Variants in MDGA2 observed in about 807,000 individuals in gnomAD.
MDGA2 encodes MAM domain containing glycosylphosphatidylinositol anchor 2.
In MDGA2, 40 loss-of-function variants were observed where a neutral mutation model predicts 117.8. The ratio of observed to expected loss-of-function variants is 0.34; its 90% CI spans 0.26 to 0.44. The LOEUF is 0.44. MDGA2 is among the 20% of genes least tolerant of loss of function. The pLI is 1.00. For missense variants in MDGA2, 1,123 were observed against 1,250.6 expected, an observed-to-expected ratio of 0.90 and a Z score of 1.54; for synonymous variants, 452 against 439.0, an observed-to-expected ratio of 1.03 and a Z score of -0.37.
chr14:47,587,162 G>A (rs1446903842), intron 1 of MDGA2, among the ~76,000 whole-genome samples: 1 of 151,780 alleles, frequency 6.6e-6, no homozygotes, highest in Non-Finnish European at 1.5e-5. Context: ...CCTATCAGAG[G>A]TTGGAGGGGA....
intron 3 of MDGA2, among the ~76,000 whole-genome samples, chr14:47,201,972 G>C (rs764238085): frequency 1.3e-5 from 2 of 152,114 alleles, no homozygotes; most frequent in Non-Finnish European, 2.9e-5. Flanking sequence ...ATTATTGTTA[G>C]TAGAGTACCA....
At chr14:47,550,160 T>C (rs1275909774) in intron 1 of MDGA2, among the ~76,000 whole-genome samples, 1 of 152,200 alleles carries the variant, frequency 6.6e-6, no homozygotes, top group Admixed American at 6.5e-5. Context: ...CCCCCACGTC[T>C]TTCCTAATTT....
chr14:47,126,192 C>T (rs908678500), intron 5 of MDGA2, among the ~76,000 whole-genome samples: 2 of 151,802 alleles, frequency 1.3e-5, no homozygotes, highest in African/African-American at 2.4e-5. Context: ...TTTATGCTCC[C>T]AGGTTAAAGA....
At chr14:47,075,042 G>A (rs772464672) in intron 6 of MDGA2, among the ~76,000 whole-genome samples, 1 of 151,420 alleles carries the variant, frequency 6.6e-6, no homozygotes, top group Non-Finnish European at 1.5e-5. Context: ...ACCTTTCCCC[G>A]CATTTCCTTT....
At chr14:47,441,725 T>A (rs1361046334) in intron 1 of MDGA2, among the ~76,000 whole-genome samples, 1 of 152,166 alleles carries the variant, frequency 6.6e-6, no homozygotes, top group Non-Finnish European at 1.5e-5. Context: ...ACTTGGTAGA[T>A]AAACTACAGA....
rs192650090 is a variant in MDGA2 at position 47,533,399 on chromosome 14, A to C, written c.280+141118T>G. Among the ~76,000 whole-genome samples, 260 of 152,322 alleles carry C rather than the reference A, an allele frequency of 1.7e-3. 1 individual carries two copies. The highest frequency in any genetic ancestry group is 5.8e-3 in the African/African-American group (243 of 41,570). On this transcript the variant is annotated intron_variant, in intron 1 of 16. Transcript: ENST00000399232. ...GTGGAAGACCCACCAGCTGATTCTT[A>C]GTATATATGTTGGGATTTATTGATT...
At chr14:47,384,547 G>T (rs1420392828) in intron 1 of MDGA2, among the ~76,000 whole-genome samples, 1 of 151,870 alleles carries the variant, frequency 6.6e-6, no homozygotes, top group Non-Finnish European at 1.5e-5. Flanking sequence ...GAACTACAGA[G>T]ATTTACCATT....
chr14:47,646,887 T>C (rs181075190), intron 1 of MDGA2, among the ~76,000 whole-genome samples: 2 of 152,294 alleles, frequency 1.3e-5, no homozygotes, highest in African/African-American at 4.8e-5. Context: ...TGTGTGTAAA[T>C]AGTGCTTTGT....
rs1005223756 is a variant in MDGA2 at position 46,855,652 on chromosome 14, G to C, written c.2753-498C>G. ...AAGAAGTCAGCCCTGCTGACATCTT[G>C]ATTTTAGGCCCAGAATGCTTTTTTT... On this transcript the variant is annotated intron_variant, in intron 14 of 16. Coordinates refer to ENST00000399232, the MANE Select transcript of MDGA2 (RefSeq NM_001113498.3). The surrounding 1 kb of genome is among the most constrained non-coding windows in gnomAD (Gnocchi z 4.1). Among the ~76,000 whole-genome samples, 8 of 152,130 alleles carry C rather than the reference G, an allele frequency of 5.3e-5. No individual in the cohort carries two copies. The highest frequency in any genetic ancestry group is 1.9e-4 in the African/African-American group (8 of 41,444).
rs182116706 is a variant in MDGA2, at chr14:47,070,614, T to A, written c.1196-9036A>T. Among the ~76,000 whole-genome samples, 667 of 152,214 alleles carry A rather than the reference T, an allele frequency of 4.4e-3. 3 individuals are homozygous for A. The highest frequency in any genetic ancestry group is 0.015 in the African/African-American group (630 of 41,540). On this transcript the variant is annotated intron_variant, in intron 6 of 16. Coordinates refer to ENST00000399232, the MANE Select transcript of MDGA2 (RefSeq NM_001113498.3). ...TACTTTTTTTTTATTATTTTATTTA[T>A]TTATTTATTTTTACATAGTCTCGTT...
chr14:46,974,470 C>A (rs1386990699), intron 8 of MDGA2, among the ~76,000 whole-genome samples: 1 of 152,058 alleles, frequency 6.6e-6, no homozygotes. Context: ...TTCTTGATTT[C>A]AAAAGTCACT....
chr14:47,089,605 G>A (rs1181851212), intron 6 of MDGA2, among the ~76,000 whole-genome samples: 1 of 151,552 alleles, frequency 6.6e-6, no homozygotes, highest in Non-Finnish European at 1.5e-5. Flanking sequence ...TTATGTTTTT[G>A]TATTTTTTTT....
intron 8 of MDGA2, among the ~76,000 whole-genome samples, chr14:46,970,979 ACAATTACCTTAC>A (rs1361678230): frequency 6.6e-6 from 1 of 152,098 alleles, no homozygotes; most frequent in African/African-American, 2.4e-5. Flanking sequence ...AATCAAAACC[ACAATTACCTTAC>A]CAATTACCTT....
At chr14:47,169,232 A>T (rs1884020002) in intron 3 of MDGA2, among the ~76,000 whole-genome samples, 1 of 151,988 alleles carries the variant, frequency 6.6e-6, no homozygotes, top group Non-Finnish European at 1.5e-5. Flanking sequence ...GATATGACCA[A>T]ATATAACATT....
chr14:47,104,152 G>A (rs1248607765), intron 5 of MDGA2, among the ~76,000 whole-genome samples: 1 of 152,168 alleles, frequency 6.6e-6, no homozygotes, highest in Non-Finnish European at 1.5e-5. Context: ...ACATTCTTCA[G>A]TAAACTAAGA....
intron 1 of MDGA2, among the ~76,000 whole-genome samples, chr14:47,564,920 T>C (rs1206553648): frequency 6.6e-6 from 1 of 152,224 alleles, no homozygotes; most frequent in East Asian, 1.9e-4. Flanking sequence ...CCTGTGATTG[T>C]ATTTTGAAAT....
intron 1 of MDGA2, among the ~76,000 whole-genome samples, chr14:47,572,469 T>G (rs1412287193): frequency 6.6e-6 from 1 of 152,320 alleles, no homozygotes; most frequent in African/African-American, 2.4e-5. Context: ...TTGCATAATT[T>G]TAAACAAATT....
chr14:47,469,095 T>C (rs79745938), intron 1 of MDGA2, among the ~76,000 whole-genome samples: 16,362 of 152,134 alleles, frequency 0.11, 982 homozygotes, highest in Middle Eastern at 0.15. Flanking sequence ...AACTGCTAAG[T>C]CAAGAGGCTT....
chr14:47,540,180 A>AT (rs1401734145), intron 1 of MDGA2, among the ~76,000 whole-genome samples: 1 of 151,816 alleles, frequency 6.6e-6, no homozygotes, highest in Non-Finnish European at 1.5e-5. Context: ...CGCCCGGCTA[A>AT]TTTTTTGTAT....
Sources: allele counts gnomAD v4.1 joint callset (sites outside exome capture counted in the v4.1 genomes callset), GRCh38; gene constraint gnomAD v4.1.1; non-coding constraint Gnocchi (gnomAD v3.1); transcripts MANE v1.5; gene names NCBI Gene and HGNC (gene_info 2026-07-23, HGNC 2026-07-21).